PCDHA5: variants seen among roughly 807,000 people sequenced by gnomAD.
The protein encoded by PCDHA5 is protocadherin alpha-5.
In PCDHA5, 43 loss-of-function variants were observed where a neutral mutation model predicts 61.6. The observed-to-expected ratio is 0.70, with a 90% CI of 0.55 to 0.90. PCDHA5 has a LOEUF of 0.90. PCDHA5 is among the 40% of genes least tolerant of loss of function. PCDHA5 has a pLI of 0.00. For synonymous variants in PCDHA5, 627 were observed against 543.9 expected, an observed-to-expected ratio of 1.15 and a Z score of -2.13; for missense variants, 1,298 against 1,222.7, an observed-to-expected ratio of 1.06 and a Z score of -0.92.
Position 141,010,072 on chromosome 5 carries a change from C to T in PCDHA5, c.*135C>T. The T allele has an allele frequency of 3.1e-6, 5 of 1,606,334 alleles. No individual in the cohort carries two copies. The highest frequency in any genetic ancestry group is 4.3e-6 in the Non-Finnish European group (5 of 1,176,104). On this transcript the variant is annotated 3_prime_UTR_variant, in exon 4 of 4. Transcript: ENST00000529859. Reference sequence around the variant, plus strand: ...ACCTCAGAAATCTGCAGAAAGTTCCCTGTGTCTGTCTAGAACGCATTTAAC... The same window carrying T: ...ACCTCAGAAATCTGCAGAAAGTTCCTTGTGTCTGTCTAGAACGCATTTAAC...
At chr5:140,991,757 C>T (rs1554252410) in intron 3 of PCDHA5, among the ~76,000 whole-genome samples, 1 of 152,160 alleles carries the variant, frequency 6.6e-6, no homozygotes, top group African/African-American at 2.4e-5. Context: ...CTATCATGCT[C>T]TTCAAAATTC....
At chr5:140,844,657 C>A (rs1252310311) in intron 1 of PCDHA5, among the ~76,000 whole-genome samples, 1 of 149,150 alleles carries the variant, frequency 6.7e-6, no homozygotes, top group Non-Finnish European at 1.5e-5. Context: ...TCTTGCAAAC[C>A]AAACATATAA....
intron 1 of PCDHA5, among the ~76,000 whole-genome samples, chr5:140,921,897 A>G (rs1414353237): frequency 2.0e-5 from 3 of 152,124 alleles, no homozygotes; most frequent in Non-Finnish European, 2.9e-5. Flanking sequence ...AAAGGAGGAT[A>G]AATATATATT....
intron 1 of PCDHA5, among the ~76,000 whole-genome samples, chr5:140,855,055 T>C (rs562005171): frequency 2.0e-5 from 3 of 150,120 alleles, no homozygotes; most frequent in African/African-American, 7.3e-5. Flanking sequence ...AGTACTTTTC[T>C]GTTTTCTTAA....
rs1432649344 is a variant in PCDHA5, at chr5:140,870,194, C to T, written c.2352+46067C>T. ...CTCCCAGTACGAGAGGACGCTCAGC[C>T]CAGCACGGTCATTGCCCTGATCAGC... On this transcript the variant is annotated intron_variant, in intron 1 of 3. Transcript: ENST00000529859. 5.0e-6 allele frequency: 8 copies of T among 1,614,050 alleles called. No homozygotes were observed. Among genetic ancestry groups the T allele is most frequent in the Non-Finnish European group, 5.9e-6 (7 of 1,180,054 alleles).
At chr5:140,926,255 G>T (rs562420240) in intron 1 of PCDHA5, 1 of 152,224 alleles carries the variant, frequency 6.6e-6, no homozygotes, top group African/African-American at 2.4e-5. Flanking sequence ...TCACCGTCCC[G>T]CCTCTCGCCG....
chr5:140,938,485 T>C (rs2092087482), intron 1 of PCDHA5, among the ~76,000 whole-genome samples: 2 of 152,170 alleles, frequency 1.3e-5, no homozygotes, highest in African/African-American at 4.8e-5. Context: ...TTAAAAATCA[T>C]GAATAGGCAT....
At chr5:140,952,960 T>C (rs1195156838) in intron 1 of PCDHA5, among the ~76,000 whole-genome samples, 3 of 151,932 alleles carry the variant, frequency 2.0e-5, no homozygotes, top group Non-Finnish European at 4.4e-5. Flanking sequence ...GGGGAAGTGA[T>C]ACACACTTTT....
intron 1 of PCDHA5, among the ~76,000 whole-genome samples, chr5:140,832,044 G>A (rs184906141): frequency 2.0e-4 from 31 of 152,258 alleles, no homozygotes; most frequent in African/African-American, 6.3e-4. Flanking sequence ...TCATAGTGAG[G>A]CCATAATTAC....
intron 1 of PCDHA5, chr5:140,870,201 G>T: frequency 6.2e-7 from 1 of 1,614,140 alleles, no homozygotes; most frequent in South Asian, 1.1e-5. Flanking sequence ...AGCCCAGCAC[G>T]GTCATTGCCC....
At chr5:140,968,236 T>C in intron 1 of PCDHA5, 1 of 1,614,006 alleles carries the variant, frequency 6.2e-7, no homozygotes, top group East Asian at 2.2e-5. Flanking sequence ...TGCTCTGTAC[T>C]GTGCAAGCCA....
intron 1 of PCDHA5, among the ~76,000 whole-genome samples, chr5:140,953,460 G>A (rs1025295552): frequency 1.3e-5 from 2 of 152,116 alleles, no homozygotes; most frequent in Non-Finnish European, 2.9e-5. Context: ...ATCTGTCAGA[G>A]TTTTAACTTC....
At chr5:140,839,689 T>C (rs1776365065) in intron 1 of PCDHA5, among the ~76,000 whole-genome samples, 1 of 152,086 alleles carries the variant, frequency 6.6e-6, no homozygotes, top group East Asian at 1.9e-4. Context: ...GAGATTTTTT[T>C]GGGTAAATAA....
At chr5:140,868,817 T>C in intron 1 of PCDHA5, 1 of 380,686 alleles carries the variant, frequency 2.6e-6, no homozygotes, top group South Asian at 6.7e-5. Context: ...TTGGAAATAT[T>C]TGGGGGAAGA....
intron 1 of PCDHA5, among the ~76,000 whole-genome samples, chr5:140,950,176 T>G (rs1221821328): frequency 6.6e-6 from 1 of 151,976 alleles, no homozygotes; most frequent in Non-Finnish European, 1.5e-5. Flanking sequence ...TTTAGAGAAT[T>G]AAGAAGGAAA....
At chr5:140,847,596 A>G (rs1159769892) in intron 1 of PCDHA5, 1 of 149,708 alleles carries the variant, frequency 6.7e-6, no homozygotes, top group Non-Finnish European at 1.5e-5. Context: ...TGAAATTAAA[A>G]CATATTGTAA....
intron 1 of PCDHA5, among the ~76,000 whole-genome samples, chr5:140,975,701 T>A (rs2153808072): frequency 6.6e-6 from 1 of 152,358 alleles, no homozygotes; most frequent in East Asian, 1.9e-4. Flanking sequence ...AAACTTATTT[T>A]ACTTTAAATC....
intron 1 of PCDHA5, chr5:140,969,045 C>G: frequency 1.2e-6 from 2 of 1,614,090 alleles, no homozygotes. Flanking sequence ...TACAAACAAG[C>G]CAACAACAAT....
rs2150198335 is a variant in PCDHA5 at position 140,831,925 on chromosome 5, C to G, written c.2352+7798C>G. Among the ~76,000 whole-genome samples, 3 of 152,254 alleles carry G rather than the reference C, an allele frequency of 2.0e-5. No individual in the cohort carries two copies. In the South Asian group the frequency reaches 6.2e-4, roughly 32 times the overall value. On this transcript the variant is annotated intron_variant, in intron 1 of 3. Transcript: ENST00000529859. ...TAGCAAGTGCTTAAAAAATTTGCTACTAGTTTTCCGAAGAGGAAAAGAAAA... is the reference window on the plus strand; with the variant it reads ...TAGCAAGTGCTTAAAAAATTTGCTAGTAGTTTTCCGAAGAGGAAAAGAAAA...
Sources: allele counts gnomAD v4.1 joint callset (sites outside exome capture counted in the v4.1 genomes callset), GRCh38; gene constraint gnomAD v4.1.1; transcripts MANE v1.5; gene names NCBI Gene and HGNC (gene_info 2026-07-23, HGNC 2026-07-21).